Variants in NRBP1 observed in about 807,000 individuals in gnomAD.
NRBP1 encodes nuclear receptor-binding protein.
A neutral mutation model predicts 76.0 loss-of-function variants in NRBP1; 10 were observed. The ratio of observed to expected loss-of-function variants is 0.13; its 90% CI spans 0.08 to 0.22. NRBP1 has a LOEUF of 0.22. NRBP1 is among the 10% of genes least tolerant of loss of function. The probability of loss-of-function intolerance (pLI) is 1.00; values close to 1 mark genes in which losing one functional copy is unlikely to be tolerated. For missense variants in NRBP1, 344 were observed against 646.0 expected (o/e 0.53, Z 5.07); for synonymous variants, 235 against 240.2 (o/e 0.98, Z 0.20).
chr2:27,435,009 T>G (rs1432627447), intron 6 of NRBP1, 124 bp from the exon 7 acceptor site: 6 of 671,370 alleles, frequency 8.9e-6, no homozygotes, highest in Non-Finnish European at 1.6e-5. Flanking sequence ...TAATGGAGAT[T>G]CAGAGTGTGG....
In NRBP1 at chr2:27,439,995, C is replaced by CTTTTTTTT. The variant is rs70953859; in HGVS notation, c.1036+126_1036+133dup. 41 of 459,772 alleles carry CTTTTTTTT rather than the reference C, an allele frequency of 8.9e-5. 9 individuals carry two copies. The highest frequency in any genetic ancestry group is 2.1e-4 in the East Asian group (2 of 9,642). The allele number at this position is 459,772 out of a possible 1,614,324, so 28.5% of individuals were successfully genotyped here. A position where few individuals can be genotyped will look rare whatever the true frequency, so the allele number is the denominator to read the frequency against. On this transcript the variant is annotated intron_variant, in intron 11 of 17. Coordinates refer to ENST00000379852, the MANE Select transcript of NRBP1 (RefSeq NM_013392.4). ...TTTCCTCTTTATTTCCAAAGGGATT[C>CTTTTTTTT]TTTTTTTTTTTTTTTTTTTTTTTTT... is the stretch of plus-strand genomic sequence containing the variant.
chr2:27,435,497 A>G (rs1454215582), intron 7 of NRBP1: 2 of 610,918 alleles, frequency 3.3e-6, no homozygotes, highest in Non-Finnish European at 5.9e-6. Flanking sequence ...GATAGGTTTG[A>G]GGTTTGATTT....
chr2:27,440,860 C>G lies in NRBP1; in HGVS notation c.1249C>G (p.Gln417Glu). The part of the protein sequence containing the change: ...FGLPRPQQPQ[Q>E]EEVTSPVVPP... ...GCTGCCTCGGCCCCAGCAGCCACAG[C>G]AGGAGGAGGTGACATCACCTGTCGT... Residue 417 changes from glutamine (Q) to glutamate (E), a missense_variant, in exon 14 of 18, where the codon CAG becomes GAG. This residue lies in a region of NRBP1 where 218 missense variants were observed against 309.8 expected (regional missense o/e 0.70). Coordinates refer to ENST00000379852, the MANE Select transcript of NRBP1 (RefSeq NM_013392.4). 6.2e-7 allele frequency: 1 copy of G among 1,614,044 alleles called. No individual in the cohort carries two copies. Among genetic ancestry groups the G allele is most frequent in the Non-Finnish European group, 8.5e-7 (1 of 1,180,032 alleles).
At chr2:27,431,256 C>T (rs1025214335) in intron 1 of NRBP1, among the ~76,000 whole-genome samples, 1 of 152,182 alleles carries the variant, frequency 6.6e-6, no homozygotes, top group Admixed American at 6.5e-5. Flanking sequence ...GCCGAGATTG[C>T]ACCACGGCAC....
intron 7 of NRBP1, chr2:27,435,812 C>A (rs1218403512): frequency 2.8e-6 from 2 of 717,424 alleles, no homozygotes; most frequent in Non-Finnish European, 5.2e-6. Context: ...GGCGGCTGCC[C>A]AGTGCATGCA....
intron 10 of NRBP1, among the ~76,000 whole-genome samples, chr2:27,438,153 T>C (rs780103): frequency 0.47 from 70,007 of 150,474 alleles, 17,739 homozygotes; most frequent in African/African-American, 0.67. Flanking sequence ...GCACTCCAGC[T>C]GGGGCAAGAG....
intron 7 of NRBP1, chr2:27,436,492 G>A (rs1257118179): frequency 2.2e-6 from 1 of 461,726 alleles, no homozygotes; most frequent in Non-Finnish European, 3.9e-6. Context: ...AAGCCCCTGT[G>A]TATCTGTTAA....
rs1433464199 is a variant in NRBP1, at chr2:27,436,829, G to A, written c.738G>A (p.Glu246=). 2 of 1,613,990 alleles carry A rather than the reference G, an allele frequency of 1.2e-6. No individual in the cohort carries two copies. Among genetic ancestry groups the A allele is most frequent in the South Asian group, 2.2e-5 (2 of 91,086 alleles). The stretch of plus-strand genomic sequence containing the variant: ...AGAATCTACACTTCTTTGCACCAGA[G>A]TATGGAGGTGAGCCTTCCTGCTTTC... ...EQKNLHFFAP[E]YGEVTNVTTA... The change falls in exon 8 of 18, where the codon GAG becomes GAA. Residue 246 remains glutamate, a synonymous_variant. Coordinates refer to ENST00000379852, the MANE Select transcript of NRBP1 (RefSeq NM_013392.4).
intron 4 of NRBP1, 91 bp downstream of exon 4, chr2:27,434,181 A>G (rs1225777860): frequency 9.1e-7 from 1 of 1,102,464 alleles, no homozygotes; most frequent in Non-Finnish European, 1.3e-6. Flanking sequence ...GATTAAAACA[A>G]GGTAGTTTTG....
upstream of NRBP1, chr2:27,428,447 A>C (rs1415551693): frequency 2.6e-6 from 1 of 388,858 alleles, no homozygotes; most frequent in African/African-American, 2.1e-5. Context: ...GACCGAAAAC[A>C]TCGACCCCTC....
intron 4 of NRBP1, 30 bp downstream of exon 4, chr2:27,434,120 C>G (rs369483762): frequency 4.1e-5 from 62 of 1,503,782 alleles, no homozygotes; most frequent in Non-Finnish European, 5.5e-5. Context: ...ATTTCCTGAA[C>G]TTATTGCAAA....
At chr2:27,440,327 C>T in intron 11 of NRBP1, 76 bp from the exon 12 acceptor site, 2 of 1,011,322 alleles carry the variant, frequency 2.0e-6, no homozygotes, top group Non-Finnish European at 3.2e-6. Context: ...GATTCTTTAC[C>T]CCTTTGCCTG....
Position 27,434,771 on chromosome 2 carries a change from TA to T in NRBP1, c.566+10del, listed in dbSNP as rs1200187934. ...ATCCTCTCTGCCCTAAGGTAAGTAG[TA>T]CCTGGTTAGTTTCTTACCCATATTT... is the stretch of plus-strand genomic sequence containing the variant. On this transcript the variant is annotated intron_variant, in intron 6 of 17. Coordinates refer to ENST00000379852, the MANE Select transcript of NRBP1 (RefSeq NM_013392.4). The T allele has an allele frequency of 6.2e-7, 1 of 1,613,726 alleles. No individual in the cohort carries two copies. Among genetic ancestry groups the T allele is most frequent in the South Asian group, 1.1e-5 (1 of 91,072 alleles).
chr2:27,428,587 G>A, upstream of NRBP1: 1 of 397,428 alleles, frequency 2.5e-6, no homozygotes. Context: ...GTGCGGCACC[G>A]CCCATCGTTG....
chr2:27,441,842 C>T lies in NRBP1; in HGVS notation c.*30C>T. ...CACTCGGGCCAGGCCCTGATCTGCG[C>T]TGTGGCTGTCCCTGGACGTGCTGCA... On this transcript the variant is annotated 3_prime_UTR_variant, in exon 18 of 18. Transcript: ENST00000379852. 3.6e-6 allele frequency: 5 copies of T among 1,399,128 alleles called. No homozygotes were observed. The highest frequency in any genetic ancestry group is 5.0e-6 in the Non-Finnish European group (5 of 992,552). 86.7% of individuals were successfully genotyped at this position (1,399,128 alleles called of 1,614,324 possible). A position where few individuals can be genotyped will look rare whatever the true frequency, so the allele number is the denominator to read the frequency against.
intron 1 of NRBP1, among the ~76,000 whole-genome samples, chr2:27,430,147 A>G (rs1156327071): frequency 1.3e-5 from 2 of 152,132 alleles, no homozygotes; most frequent in African/African-American, 4.8e-5. Flanking sequence ...GATTACAGGC[A>G]TGAGCCAGCG....
upstream of NRBP1, chr2:27,428,488 G>A (rs947393006): frequency 5.1e-6 from 2 of 394,674 alleles, no homozygotes; most frequent in Non-Finnish European, 8.9e-6. Context: ...GGCGCAAGGG[G>A]AGGAGAGCGG....
intron 11 of NRBP1, among the ~76,000 whole-genome samples, chr2:27,440,157 A>C (rs1258833531): frequency 6.6e-6 from 1 of 151,738 alleles, no homozygotes; most frequent in East Asian, 1.9e-4. Context: ...GATTACAGGC[A>C]TGTGCCACCA....
Position 27,437,745 on chromosome 2 carries a change from A to C in NRBP1, c.903+385A>C, listed in dbSNP as rs866644642. Among the ~76,000 whole-genome samples the C allele has an allele frequency of 1.1e-4, 17 of 151,522 alleles. No individual in the cohort carries two copies. The South Asian group carries it at 1.9e-3, about 17-fold the overall frequency. On this transcript the variant is annotated intron_variant, in intron 10 of 17. Transcript: ENST00000379852. ...AAAATTAGCCAGGCTTGGTGGCGGG[A>C]GCCTGTAGTCCCAGCTACTCAGGAG...
Sources: gnomAD v4.1 joint callset for allele counts (sites outside exome capture counted in the v4.1 genomes callset) on GRCh38, gnomAD v4.1.1 for gene constraint, gnomAD v4.1.1 regional missense constraint, MANE v1.5 for transcripts, NCBI Gene and HGNC (gene_info 2026-07-23, HGNC 2026-07-21) for gene names.